Variants in RFX4 observed in about 807,000 individuals in gnomAD.
The protein encoded by RFX4 is transcription factor RFX4.
Under a neutral mutation model 95.0 loss-of-function variants are expected in RFX4, and 10 were observed. The ratio of observed to expected loss-of-function variants is 0.11; its 90% CI spans 0.06 to 0.18. The LOEUF (loss-of-function observed/expected upper bound fraction) is 0.18. RFX4 is among the 10% of genes least tolerant of loss of function. RFX4 has a pLI of 1.00. For missense variants in RFX4, 640 were observed against 922.0 expected (o/e 0.69, Z 3.96); for synonymous variants, 321 against 340.7 (o/e 0.94, Z 0.64).
intron 2 of RFX4, among the ~76,000 whole-genome samples, chr12:106,611,667 C>CG (rs2039964271): frequency 1.3e-5 from 2 of 151,980 alleles, no homozygotes; most frequent in African/African-American, 2.4e-5. Flanking sequence ...CATGCCACTG[C>CG]GCCAGGCTAA....
intron 3 of RFX4, among the ~76,000 whole-genome samples, chr12:106,644,908 G>C (rs2040712393): frequency 6.6e-6 from 1 of 152,152 alleles, no homozygotes. Flanking sequence ...AAAGGACACT[G>C]GCCGCACCAC....
rs957889051 is a variant in RFX4 at position 106,641,809 on chromosome 12, A to G, written c.191+2417A>G. On this transcript the variant is annotated intron_variant, in intron 3 of 17. Coordinates refer to ENST00000392842, the MANE Select transcript of RFX4 (RefSeq NM_213594.3). ...TAAGATAGAATTTCAGTCATTAACT[A>G]ATTCAATAAATGTTTACTGAGCACC... is the stretch of plus-strand genomic sequence containing the variant. 1.3e-5 allele frequency among the ~76,000 whole-genome samples: 2 copies of G among 152,280 alleles called. 1 individual carries two copies. The highest frequency in any genetic ancestry group is 4.1e-4 in the South Asian group (2 of 4,828).
intron 13 of RFX4, among the ~76,000 whole-genome samples, chr12:106,722,158 T>G (rs1183170431): frequency 6.6e-6 from 1 of 152,264 alleles, no homozygotes; most frequent in Non-Finnish European, 1.5e-5. Context: ...TGTTAGCACA[T>G]GTTACCTCTA....
At position 106,715,531 on chromosome 12, in the gene RFX4, A is replaced by G; in HGVS notation, c.1125A>G (p.Lys375=). The change falls in exon 11 of 18, where the codon AAA becomes AAG. Residue 375 remains lysine (K), a synonymous_variant. Transcript: ENST00000392842. ...AAGACTCTCGCGATGAGCACCGGAA[A>G]CTCATCACCCAATGTAAGCTGTCCC... ...TMEDSRDEHR[K]LITQLYQEFD... 6.2e-7 allele frequency: 1 copy of G among 1,614,072 alleles called. No homozygotes were observed. The highest frequency in any genetic ancestry group is 8.5e-7 in the Non-Finnish European group (1 of 1,179,968).
At chr12:106,639,274 T>G (rs1016611633) in intron 2 of RFX4, 58 bp from the exon 3 acceptor site, 71 of 1,464,554 alleles carry the variant, frequency 4.8e-5, no homozygotes, top group Non-Finnish European at 6.2e-5. Flanking sequence ...TCGAGAGGAC[T>G]TTTACTTTTT....
Position 106,720,621 on chromosome 12 carries a change from C to T in RFX4, c.1234-138C>T, listed in dbSNP as rs548521797. ...CTGGTCTCAAACTCCTAGGCTCATGCGATCATCCGCCCACCTTGGCCTCCC... is the reference window on the plus strand; with the variant it reads ...CTGGTCTCAAACTCCTAGGCTCATGTGATCATCCGCCCACCTTGGCCTCCC... On this transcript the variant is annotated intron_variant, in intron 12 of 17. Transcript: ENST00000392842. This position sits in a 1 kb window ranked among gnomAD's most constrained non-coding sequence, Gnocchi z 4.2. 110 of 747,400 alleles carry T rather than the reference C, an allele frequency of 1.5e-4. No homozygotes were observed. Among genetic ancestry groups the T allele is most frequent in the Middle Eastern group, 3.7e-4 (1 of 2,670 alleles). 46.3% of individuals were successfully genotyped at this position (747,400 alleles called of 1,614,324 possible). A position where few individuals can be genotyped will look rare whatever the true frequency, so the allele number is the denominator to read the frequency against.
intron 1 of RFX4, chr12:106,583,657 G>A: frequency 3.4e-6 from 1 of 292,718 alleles, no homozygotes; most frequent in Non-Finnish European, 6.3e-6. Flanking sequence ...AGATGCGCTG[G>A]CTCGCGGCGA....
At chr12:106,706,629 T>A (rs2042092363) in intron 8 of RFX4, among the ~76,000 whole-genome samples, 1 of 152,106 alleles carries the variant, frequency 6.6e-6, no homozygotes, top group Non-Finnish European at 1.5e-5. Flanking sequence ...GATGAATAGA[T>A]TACATGACAC....
intron 8 of RFX4, among the ~76,000 whole-genome samples, chr12:106,705,651 C>T (rs1180208553): frequency 6.6e-6 from 1 of 152,046 alleles, no homozygotes; most frequent in Non-Finnish European, 1.5e-5. Context: ...GTGAGGTAAG[C>T]AAGGGCCTGA....
intron 8 of RFX4, among the ~76,000 whole-genome samples, chr12:106,706,755 C>T (rs1214389570): frequency 6.6e-6 from 1 of 152,018 alleles, no homozygotes; most frequent in African/African-American, 2.4e-5. Flanking sequence ...AGAAATAGAA[C>T]AGGACAATGT....
At chr12:106,733,330 A>C in intron 15 of RFX4, 1 of 368,490 alleles carries the variant, frequency 2.7e-6, no homozygotes, top group Non-Finnish European at 4.9e-6. Flanking sequence ...AAAAAAGAAA[A>C]ACAGGGCTTT....
intron 2 of RFX4, among the ~76,000 whole-genome samples, chr12:106,615,474 C>T (rs1306682892): frequency 6.6e-6 from 1 of 152,110 alleles, no homozygotes; most frequent in Non-Finnish European, 1.5e-5. Context: ...TTAACAATTC[C>T]ATATTGATTT....
intron 4 of RFX4, among the ~76,000 whole-genome samples, chr12:106,654,677 T>G (rs548022746): frequency 1.3e-5 from 2 of 152,342 alleles, no homozygotes; most frequent in Admixed American, 6.5e-5. Context: ...GCAACCTGCT[T>G]GGCTTAGTCA....
chr12:106,660,747 G>A (rs545791828), intron 4 of RFX4, among the ~76,000 whole-genome samples: 4 of 152,258 alleles, frequency 2.6e-5, no homozygotes, highest in Admixed American at 6.5e-5. Flanking sequence ...GTGGGCGAGT[G>A]AGCGAGCATT....
intron 5 of RFX4, chr12:106,683,715 T>C (rs1565977872): frequency 6.6e-6 from 1 of 152,052 alleles, no homozygotes. Flanking sequence ...CTTTGAGGAA[T>C]CAGTGGCTCC....
intron 15 of RFX4, among the ~76,000 whole-genome samples, chr12:106,733,711 C>G (rs544366649): frequency 6.6e-6 from 1 of 152,078 alleles, no homozygotes; most frequent in East Asian, 1.9e-4. Context: ...CTAGAGCTGC[C>G]GGGCACATAG....
At chr12:106,686,722 C>T (rs2041659400) in intron 5 of RFX4, among the ~76,000 whole-genome samples, 162 bp from the exon 6 acceptor site, 3 of 152,108 alleles carry the variant, frequency 2.0e-5, no homozygotes, top group Non-Finnish European at 2.9e-5. Flanking sequence ...TGATATTAGC[C>T]TTACAGGAGA....
At chr12:106,700,445 C>T (rs1174651421) in intron 8 of RFX4, among the ~76,000 whole-genome samples, 1 of 129,400 alleles carries the variant, frequency 7.7e-6, no homozygotes, top group African/African-American at 2.9e-5. Flanking sequence ...CTCGCTCTGT[C>T]GCCCAGGCTG....
At chr12:106,622,928 AT>A (rs1216330935) in intron 2 of RFX4, among the ~76,000 whole-genome samples, 1 of 149,790 alleles carries the variant, frequency 6.7e-6, no homozygotes, top group Non-Finnish European at 1.5e-5. Context: ...CCCAAATTGC[AT>A]TTTTTCCCCC....
Sources: gnomAD v4.1 joint callset for allele counts (sites outside exome capture counted in the v4.1 genomes callset) on GRCh38, gnomAD v4.1.1 for gene constraint, Gnocchi (gnomAD v3.1) non-coding constraint, MANE v1.5 for transcripts, NCBI Gene and HGNC (gene_info 2026-07-23, HGNC 2026-07-21) for gene names.